The following MTIF2 variants were observed in gnomAD, a reference collection of about 807,000 sequenced individuals.
MTIF2 encodes the protein mitochondrial translational initiation factor 2.
Under a neutral mutation model 83.5 loss-of-function variants are expected in MTIF2, and 71 were observed. That is an observed-to-expected ratio of 0.85 (90% CI 0.70 to 1.04). MTIF2 has a LOEUF of 1.04. Among genes scored for constraint, MTIF2 ranks in the 50% least tolerant of loss-of-function variants. The pLI, the probability that MTIF2 is intolerant of heterozygous loss-of-function variation, is 0.00. For missense variants in MTIF2, 957 were observed against 846.5 expected (o/e 1.13, Z -1.62); for synonymous variants, 319 against 287.1 (o/e 1.11, Z -1.12).
chr2:55,236,748 C>A lies in MTIF2; in HGVS notation c.2084G>T (p.Ser695Ile). 6.2e-7 allele frequency: 1 copy of A among 1,612,210 alleles called. No homozygotes were observed. Among genetic ancestry groups the A allele is most frequent in the Non-Finnish European group, 8.5e-7 (1 of 1,179,490 alleles). ...IVKTGMDCGL[S>I]LDEDNMEFQV... ...AAATTCCATATTGTCTTCATCTAAACTGAGACCACAATCCATTCCCGTTTT... is the reference window on the plus strand; with the variant it reads ...AAATTCCATATTGTCTTCATCTAAAATGAGACCACAATCCATTCCCGTTTT... Residue 695 changes from serine to isoleucine, a missense_variant, in exon 16 of 16, where the codon AGT (serine) becomes ATT (isoleucine). Physicochemically the swap from Ser to Ile is moderately radical, Grantham distance 142. Around this residue, in one of 3 missense-constraint regions of MTIF2, gnomAD observed 221 missense variants for 180.6 expected, o/e 1.22. Transcript: ENST00000263629.
rs1237229241 is a variant in MTIF2, at chr2:55,246,318, A to G, written c.1106+19T>C. The G allele has an allele frequency of 1.3e-6, 2 of 1,580,574 alleles. No homozygotes were observed. Among genetic ancestry groups the G allele is most frequent in the Non-Finnish European group, 1.7e-6 (2 of 1,162,110 alleles). On this transcript the variant is annotated intron_variant, in intron 10 of 15. Coordinates refer to ENST00000263629, the MANE Select transcript of MTIF2 (RefSeq NM_002453.3). ...AACCACAGAACAAATTAAAAAGGCA[A>G]GCATTTTAAGAGTCCTACCCTCTTC...
At chr2:55,263,473 G>A (rs920032647) in intron 4 of MTIF2, among the ~76,000 whole-genome samples, 167 bp downstream of exon 4, 16 of 152,102 alleles carry the variant, frequency 1.1e-4, no homozygotes, top group African/African-American at 3.6e-4. Flanking sequence ...TAGCGGGTGC[G>A]GTGGCTAATG....
intron 2 of MTIF2, 125 bp downstream of exon 2, chr2:55,268,453 G>A (rs1678595937): frequency 6.6e-6 from 1 of 152,126 alleles, no homozygotes; most frequent in African/African-American, 2.4e-5. Context: ...CAGATTAATG[G>A]AGTGGGAGGA....
chr2:55,259,338 A>G (rs1198431328), intron 5 of MTIF2, among the ~76,000 whole-genome samples: 1 of 152,190 alleles, frequency 6.6e-6, no homozygotes, highest in Non-Finnish European at 1.5e-5. Flanking sequence ...TGAATATGAA[A>G]TAAGCTTCAA....
At position 55,249,523 on chromosome 2, in the gene MTIF2, GGAT is replaced by G. The variant is rs751847429; in HGVS notation, c.850_852del (p.Ile284del). The G allele has an allele frequency of 6.2e-7, 1 of 1,613,490 alleles. No individual in the cohort carries two copies. The highest frequency in any genetic ancestry group is 8.5e-7 in the Non-Finnish European group (1 of 1,179,834). ...GCTTTGTCACATTTATTTACGGCAA[GGAT>G]AATAGGAACTGAAAGAAATGGAGTT... is the stretch of plus-strand genomic sequence containing the variant. On this transcript the variant is annotated inframe_deletion, in exon 9 of 16. Coordinates refer to ENST00000263629, the MANE Select transcript of MTIF2 (RefSeq NM_002453.3).
Position 55,254,098 on chromosome 2 carries a change from T to G in MTIF2, c.607A>C (p.Thr203Pro). ...CCAGTTTCCACTGCTGCCACTTGAG[T>G]TTTTCGAAATTTGTCAAGTAATGTC... is the stretch of plus-strand genomic sequence containing the variant. ...KTTLLDKFRKTQVAAVETGGI... is the reference protein window; with the variant it reads ...KTTLLDKFRKPQVAAVETGGI... Residue 203 changes from threonine to proline, a missense_variant, in exon 7 of 16, where the codon ACT becomes CCT. Physicochemically the swap from Thr to Pro is conservative, Grantham distance 38. This residue lies in a region of MTIF2 where 733 missense variants were observed against 648.7 expected (regional missense o/e 1.13). Transcript: ENST00000263629. The G allele has an allele frequency of 6.2e-7, 1 of 1,614,044 alleles. No individual in the cohort carries two copies. Among genetic ancestry groups the G allele is most frequent in the Non-Finnish European group, 8.5e-7 (1 of 1,179,996 alleles).
At chr2:55,256,673 C>A (rs572759817) in intron 5 of MTIF2, among the ~76,000 whole-genome samples, 21 of 150,916 alleles carry the variant, frequency 1.4e-4, no homozygotes, top group African/African-American at 4.6e-4. Flanking sequence ...TGCGCTCCAG[C>A]CTGGGTGACA....
intron 5 of MTIF2, 83 bp from the exon 6 acceptor site, chr2:55,254,908 C>T: frequency 1.4e-6 from 1 of 728,102 alleles, no homozygotes; most frequent in Non-Finnish European, 2.0e-6. Context: ...TCTATATAAA[C>T]AGTACACTCA....
intron 8 of MTIF2, among the ~76,000 whole-genome samples, chr2:55,249,921 G>A (rs570694760): frequency 2.5e-4 from 38 of 152,070 alleles, no homozygotes; most frequent in Admixed American, 7.2e-4. Flanking sequence ...GAGAAATCCC[G>A]TCTCTACTAA....
chr2:55,245,845 T>G (rs1013195957), intron 10 of MTIF2, among the ~76,000 whole-genome samples: 2 of 152,204 alleles, frequency 1.3e-5, no homozygotes, highest in African/African-American at 2.4e-5. Context: ...TATCCCAGTC[T>G]CCATCAGCTA....
chr2:55,266,311 G>A (rs753603292), intron 3 of MTIF2: 2 of 152,070 alleles, frequency 1.3e-5, no homozygotes, highest in Non-Finnish European at 2.9e-5. Flanking sequence ...ATCATTTGAG[G>A]TCAGGAGTTC....
At chr2:55,239,714 CTT>C (rs1676157670) in intron 14 of MTIF2, among the ~76,000 whole-genome samples, 1 of 152,138 alleles carries the variant, frequency 6.6e-6, no homozygotes, top group South Asian at 2.1e-4. Flanking sequence ...TGTTAATAAT[CTT>C]TATGCGTTCA....
At chr2:55,267,041 AT>A (rs1456704342) in intron 3 of MTIF2, among the ~76,000 whole-genome samples, 2 of 152,096 alleles carry the variant, frequency 1.3e-5, no homozygotes, top group Non-Finnish European at 2.9e-5. Context: ...AAGTGCTGGG[AT>A]TACAGGCGTG....
At chr2:55,253,955 G>C in intron 7 of MTIF2, 86 bp downstream of exon 7, 1 of 1,403,712 alleles carries the variant, frequency 7.1e-7, no homozygotes, top group Non-Finnish European at 9.7e-7. Flanking sequence ...CTTGTACTTT[G>C]AATTTGTATA....
At chr2:55,242,793 T>C (rs1676421090) in intron 13 of MTIF2, 147 bp downstream of exon 13, 4 of 734,422 alleles carry the variant, frequency 5.4e-6, no homozygotes, top group Non-Finnish European at 8.6e-6. Flanking sequence ...TAAGTTTCAA[T>C]TGCTAGCTGG....
chr2:55,251,446 T>C (rs933858318), intron 8 of MTIF2, among the ~76,000 whole-genome samples: 2 of 152,214 alleles, frequency 1.3e-5, no homozygotes, highest in African/African-American at 4.8e-5. Flanking sequence ...GAGTTCTGGC[T>C]GCTGTCTGAG....
chr2:55,242,149 A>C (rs1676366656), intron 13 of MTIF2, among the ~76,000 whole-genome samples: 2 of 148,784 alleles, frequency 1.3e-5, no homozygotes, highest in African/African-American at 4.9e-5. Context: ...CTCCAAAAAA[A>C]AAAAAAAGAA....
At chr2:55,259,670 C>A (rs1022898550) in intron 5 of MTIF2, among the ~76,000 whole-genome samples, 4 of 152,180 alleles carry the variant, frequency 2.6e-5, no homozygotes, top group African/African-American at 9.7e-5. Flanking sequence ...TTTTGCCAGG[C>A]GCAGTGGCTC....
intron 14 of MTIF2, among the ~76,000 whole-genome samples, chr2:55,239,408 T>C (rs1396707633): frequency 6.6e-6 from 1 of 152,102 alleles, no homozygotes; most frequent in Non-Finnish European, 1.5e-5. Flanking sequence ...TGTAAACAAC[T>C]GGTGAATTAG....
Sources: allele counts gnomAD v4.1 joint callset (sites outside exome capture counted in the v4.1 genomes callset), GRCh38; gene constraint gnomAD v4.1.1; regional missense constraint gnomAD v4.1.1; transcripts MANE v1.5; gene names NCBI Gene and HGNC (gene_info 2026-07-23, HGNC 2026-07-21).